KCNB2: variants seen among roughly 807,000 people sequenced by gnomAD.
KCNB2 encodes the protein potassium voltage-gated channel subfamily B member 2, also known as delayed rectifier potassium channel protein.
In KCNB2, 15 loss-of-function variants were observed where a neutral mutation model predicts 61.5. That is an observed-to-expected ratio of 0.24 (90% CI 0.16 to 0.38). The LOEUF (loss-of-function observed/expected upper bound fraction) is 0.38. Ranked by LOEUF, KCNB2 falls within the 10% of genes least tolerant of loss-of-function variation. KCNB2 has a pLI of 1.00. For missense variants in KCNB2, 828 were observed against 1,125.2 expected (o/e 0.74, Z 3.78); for synonymous variants, 457 against 446.0 (o/e 1.02, Z -0.31).
At chr8:72,795,511 A>G (rs1809017846) in intron 2 of KCNB2, among the ~76,000 whole-genome samples, 1 of 152,256 alleles carries the variant, frequency 6.6e-6, no homozygotes, top group Non-Finnish European at 1.5e-5. Flanking sequence ...AAAGTAAAAT[A>G]CAATGCATGA....
intron 2 of KCNB2, among the ~76,000 whole-genome samples, chr8:72,587,537 G>A (rs1807018908): frequency 6.6e-6 from 1 of 152,080 alleles, no homozygotes; most frequent in South Asian, 2.1e-4. Context: ...AGAGCAGCCT[G>A]GACAACATGG....
chr8:72,702,485 A>G (rs899834310), intron 2 of KCNB2, among the ~76,000 whole-genome samples: 2 of 152,128 alleles, frequency 1.3e-5, no homozygotes, highest in Non-Finnish European at 1.5e-5. Context: ...TATGTCCCCC[A>G]GAGTCTGGAA....
intron 2 of KCNB2, among the ~76,000 whole-genome samples, chr8:72,779,303 T>A (rs956974507): frequency 3.3e-5 from 5 of 152,214 alleles, no homozygotes; most frequent in Non-Finnish European, 7.4e-5. Context: ...TGGTCTCTCT[T>A]CAATTTCACC....
intron 1 of KCNB2, among the ~76,000 whole-genome samples, chr8:72,559,228 C>T (rs899688293): frequency 3.9e-5 from 6 of 151,946 alleles, no homozygotes; most frequent in Non-Finnish European, 7.4e-5. Flanking sequence ...TCATTGCAAC[C>T]TCTGCTACCT....
chr8:72,832,495 C>T (rs1809714596), intron 2 of KCNB2, among the ~76,000 whole-genome samples: 1 of 152,104 alleles, frequency 6.6e-6, no homozygotes, highest in African/African-American at 2.4e-5. Context: ...TGAGAAGTTG[C>T]ACAGTGGATG....
chr8:72,567,838 G>A lies in KCNB2; in HGVS notation c.104G>A (p.Arg35Lys). Residue 35 changes from arginine (R) to lysine (K), a missense_variant, in exon 2 of 3, where the codon AGG (arginine) becomes AAG (lysine). Physicochemically the swap from Arg to Lys is conservative, Grantham distance 26. This residue lies in a region of KCNB2 where 62 missense variants were observed against 54.8 expected (regional missense o/e 1.13). Transcript: ENST00000523207. ...ATTATCCGGAGCAAAACATGCTCCA[G>A]GAGAGTTAAGATCAATGTGGGGGGC... ...VDIIRSKTCS[R>K]RVKINVGGLN... is the part of the protein sequence containing the mutation. 6.2e-7 allele frequency: 1 copy of A among 1,614,108 alleles called. No homozygotes were observed. The highest frequency in any genetic ancestry group is 8.5e-7 in the Non-Finnish European group (1 of 1,180,008).
At chr8:72,655,195 A>T (rs1037108634) in intron 2 of KCNB2, among the ~76,000 whole-genome samples, 3 of 152,176 alleles carry the variant, frequency 2.0e-5, no homozygotes, top group Admixed American at 6.6e-5. Flanking sequence ...TAACATAGAA[A>T]TGGAAAACCA....
chr8:72,850,043 G>T (rs1810067308), intron 2 of KCNB2, among the ~76,000 whole-genome samples: 1 of 152,054 alleles, frequency 6.6e-6, no homozygotes, highest in African/African-American at 2.4e-5. Flanking sequence ...TCTAGTAGTG[G>T]ACACCCAACA....
chr8:72,827,488 G>A (rs1391686329), intron 2 of KCNB2, among the ~76,000 whole-genome samples: 1 of 152,008 alleles, frequency 6.6e-6, no homozygotes, highest in Non-Finnish European at 1.5e-5. Flanking sequence ...TGCTTTAATT[G>A]CTACATCGGG....
At chr8:72,738,099 C>T (rs1807880903) in intron 2 of KCNB2, among the ~76,000 whole-genome samples, 1 of 152,090 alleles carries the variant, frequency 6.6e-6, no homozygotes, top group African/African-American at 2.4e-5. Flanking sequence ...GAGTTCTCAA[C>T]TTGAGGGCCT....
intron 1 of KCNB2, among the ~76,000 whole-genome samples, chr8:72,549,738 G>C (rs1806315472): frequency 6.6e-6 from 1 of 152,178 alleles, no homozygotes; most frequent in Non-Finnish European, 1.5e-5. Context: ...CCACACGCCT[G>C]TGTTCTCTTT....
intron 2 of KCNB2, among the ~76,000 whole-genome samples, chr8:72,913,140 C>T (rs1039013659): frequency 6.6e-6 from 1 of 152,130 alleles, no homozygotes; most frequent in African/African-American, 2.4e-5. Context: ...TTTATCTCTT[C>T]TATATAAAAT....
chr8:72,578,995 C>T (rs920517045), intron 2 of KCNB2, among the ~76,000 whole-genome samples: 10 of 152,158 alleles, frequency 6.6e-5, no homozygotes, highest in African/African-American at 2.4e-4. Flanking sequence ...CTCTAAGGCA[C>T]CATATTGCCA....
chr8:72,700,472 A>G (rs1807100921), intron 2 of KCNB2, among the ~76,000 whole-genome samples: 1 of 152,170 alleles, frequency 6.6e-6, no homozygotes, highest in Admixed American at 6.6e-5. Flanking sequence ...GTTCAACATC[A>G]CTAATCAGAG....
intron 1 of KCNB2, among the ~76,000 whole-genome samples, chr8:72,546,126 C>A (rs1368283350): frequency 6.6e-6 from 1 of 152,110 alleles, no homozygotes; most frequent in African/African-American, 2.4e-5. Context: ...GTTCTTTGTT[C>A]TCTGTTCTTC....
chr8:72,693,170 C>T (rs370603319), intron 2 of KCNB2, among the ~76,000 whole-genome samples: 1 of 152,142 alleles, frequency 6.6e-6, no homozygotes, highest in African/African-American at 2.4e-5. Flanking sequence ...TCGTTTGCTG[C>T]GGGCCAGTTT....
At chr8:72,856,199 T>A (rs1810204572) in intron 2 of KCNB2, among the ~76,000 whole-genome samples, 1 of 152,168 alleles carries the variant, frequency 6.6e-6, no homozygotes, top group African/African-American at 2.4e-5. Context: ...TTAACATTAA[T>A]AATATATTTT....
At chr8:72,919,536 G>A (rs1241478353) in intron 2 of KCNB2, among the ~76,000 whole-genome samples, 3 of 152,192 alleles carry the variant, frequency 2.0e-5, no homozygotes, top group Non-Finnish European at 2.9e-5. Context: ...GTAGCCTTCA[G>A]ACATGACCTG....
chr8:72,596,725 A>T (rs1014193373), intron 2 of KCNB2, among the ~76,000 whole-genome samples: 1 of 152,208 alleles, frequency 6.6e-6, no homozygotes, highest in Non-Finnish European at 1.5e-5. Flanking sequence ...AGATATAGCC[A>T]TATTAAAACA....
Sources: allele counts gnomAD v4.1 joint callset (sites outside exome capture counted in the v4.1 genomes callset), GRCh38; gene constraint gnomAD v4.1.1; regional missense constraint gnomAD v4.1.1; transcripts MANE v1.5; gene names NCBI Gene and HGNC (gene_info 2026-07-23, HGNC 2026-07-21).